The following USH2A variants were observed in gnomAD, a reference collection of about 807,000 sequenced individuals.
USH2A encodes the protein Usher syndrome 2A (autosomal recessive, mild).
USH2A carries 443 observed loss-of-function variants against 538.9 expected under a neutral mutation model. The observed-to-expected ratio is 0.82, with a 90% CI of 0.76 to 0.89. The LOEUF is 0.89. USH2A is among the 40% of genes least tolerant of loss of function. The pLI, the probability that USH2A is intolerant of heterozygous loss-of-function variation, is 0.00. For missense variants in USH2A, 6,633 were observed against 6,324.8 expected, an observed-to-expected ratio of 1.05 and a Z score of -1.65; for synonymous variants, 2,413 against 2,273.5, an observed-to-expected ratio of 1.06 and a Z score of -1.75.
At chr1:216,410,144 G>GTCAATC (rs547509982) in intron 3 of USH2A, among the ~76,000 whole-genome samples, 11,476 of 152,058 alleles carry the variant, frequency 0.075, 1,130 homozygotes, top group African/African-American at 0.23. Flanking sequence ...AAACCACAAT[G>GTCAATC]AAAGATACCA....
intron 9 of USH2A, among the ~76,000 whole-genome samples, chr1:216,315,417 A>G (rs1476139445): frequency 6.6e-6 from 1 of 152,164 alleles, no homozygotes; most frequent in Non-Finnish European, 1.5e-5. Context: ...GTATTGATAG[A>G]AATAAGATTG....
Position 216,393,375 on chromosome 1 carries a change from C to T in USH2A, c.651+25139G>A, listed in dbSNP as rs7528641. On this transcript the variant is annotated intron_variant, in intron 3 of 71. Coordinates refer to ENST00000307340, the MANE Select transcript of USH2A (RefSeq NM_206933.4). ...GGAAGTTCCTAAAGTACTAAAATTA[C>T]GTAAAGCAAACATAATTAAATAAGG... 3.3e-3 allele frequency among the ~76,000 whole-genome samples: 499 copies of T among 152,210 alleles called. 4 individuals are homozygous for T. Among genetic ancestry groups the T allele is most frequent in the African/African-American group, 0.011 (458 of 41,538 alleles).
chr1:215,650,870 GAAAGGAAAA>G, intron 64 of USH2A, 69 bp from the exon 65 acceptor site: 2 of 1,392,692 alleles, frequency 1.4e-6, no homozygotes, highest in East Asian at 4.8e-5. Flanking sequence ...AAAAAAAAAA[GAAAGGAAAA>G]AAAACGAAAT....
intron 60 of USH2A, among the ~76,000 whole-genome samples, chr1:215,740,838 G>C (rs1660279598): frequency 6.6e-6 from 1 of 152,112 alleles, no homozygotes; most frequent in Non-Finnish European, 1.5e-5. Context: ...CAGATCATCA[G>C]GCATTAGATT....
At chr1:215,692,099 T>C (rs1057079618) in intron 61 of USH2A, among the ~76,000 whole-genome samples, 2 of 152,186 alleles carry the variant, frequency 1.3e-5, no homozygotes, top group Non-Finnish European at 2.9e-5. Flanking sequence ...TGGTAAGCAG[T>C]GTCAAATGCT....
rs200443545 is a variant in USH2A at position 215,820,160 on chromosome 1, GT to G, written c.9372-2966del. Among the ~76,000 whole-genome samples the G allele has an allele frequency of 2.5e-3, 376 of 151,462 alleles. 1 individual carries two copies. Among genetic ancestry groups the G allele is most frequent in the African/African-American group, 8.6e-3 (356 of 41,412 alleles). The stretch of plus-strand genomic sequence containing the variant: ...ATTTGTTCATGAAATAACTGTTATA[GT>G]TTTTTTTAGATTTTAAAGTAATAGG... On this transcript the variant is annotated intron_variant, in intron 47 of 71. Transcript: ENST00000307340.
At chr1:215,961,642 T>G (rs1004006061) in intron 37 of USH2A, among the ~76,000 whole-genome samples, 2 of 151,772 alleles carry the variant, frequency 1.3e-5, no homozygotes, top group African/African-American at 2.4e-5. Flanking sequence ...TTCTACAGTT[T>G]TAATCATTAA....
rs1659884645 is a variant in USH2A at position 215,728,177 on chromosome 1, A to G, written c.11919T>C (p.Ala3973=). 2 of 1,614,028 alleles carry G rather than the reference A, an allele frequency of 1.2e-6. No homozygotes were observed. The highest frequency in any genetic ancestry group is 1.7e-6 in the Non-Finnish European group (2 of 1,180,032). The change falls in exon 61 of 72, where the codon GCT becomes GCC. Residue 3973 remains alanine (A), a synonymous_variant. Coordinates refer to ENST00000307340, the MANE Select transcript of USH2A (RefSeq NM_206933.4). ...GAACTGAATGAGCACTCGTGGCTTG[A>G]GCCCAAGGAGCTGGAAAATCTTGAG... ...APPQDFPAPW[A]QATSAHSVLL...
intron 61 of USH2A, among the ~76,000 whole-genome samples, chr1:215,708,587 A>G (rs1659247703): frequency 6.6e-6 from 1 of 152,216 alleles, no homozygotes; most frequent in African/African-American, 2.4e-5. Context: ...ACCTCAGATC[A>G]TCAGGTATTA....
chr1:216,106,843 C>A (rs2032747730), intron 21 of USH2A, among the ~76,000 whole-genome samples: 1 of 151,786 alleles, frequency 6.6e-6, no homozygotes, highest in South Asian at 2.1e-4. Flanking sequence ...TCATGTTATA[C>A]TTTATTTTTT....
chr1:215,871,942 T>C (rs1328234084), intron 43 of USH2A, among the ~76,000 whole-genome samples: 1 of 152,224 alleles, frequency 6.6e-6, no homozygotes, highest in Non-Finnish European at 1.5e-5. Flanking sequence ...CCAAAATTCT[T>C]CAGGGCAGCT....
At chr1:216,379,307 A>G (rs2038891008) in intron 3 of USH2A, among the ~76,000 whole-genome samples, 1 of 152,168 alleles carries the variant, frequency 6.6e-6, no homozygotes. Flanking sequence ...TCCTTTGCCA[A>G]TCTAATTTCA....
At chr1:216,261,032 T>C (rs2036359058) in intron 11 of USH2A, among the ~76,000 whole-genome samples, 1 of 152,166 alleles carries the variant, frequency 6.6e-6, no homozygotes, top group African/African-American at 2.4e-5. Flanking sequence ...TTTGGAAATG[T>C]TTTACCATTT....
intron 14 of USH2A, among the ~76,000 whole-genome samples, chr1:216,226,722 C>T (rs1470505802): frequency 3.9e-5 from 6 of 152,168 alleles, no homozygotes; most frequent in Admixed American, 3.9e-4. Flanking sequence ...TAATCTTGTC[C>T]TTTATTCTAC....
At chr1:216,299,063 C>T (rs2037162837) in intron 9 of USH2A, among the ~76,000 whole-genome samples, 1 of 152,152 alleles carries the variant, frequency 6.6e-6, no homozygotes, top group South Asian at 2.1e-4. Flanking sequence ...AGGATGGTCT[C>T]CATCTCCTGA....
intron 21 of USH2A, among the ~76,000 whole-genome samples, chr1:216,133,235 T>G (rs2033413126): frequency 6.6e-6 from 1 of 152,166 alleles, no homozygotes; most frequent in African/African-American, 2.4e-5. Context: ...TTTCTAAATA[T>G]ATTTGAACAT....
chr1:216,055,579 A>G (rs1220282320), intron 30 of USH2A, among the ~76,000 whole-genome samples: 2 of 152,218 alleles, frequency 1.3e-5, no homozygotes, highest in East Asian at 1.9e-4. Flanking sequence ...TAACACAGAC[A>G]TTTTGACACA....
At chr1:216,232,272 T>C in intron 13 of USH2A, 136 bp from the exon 14 acceptor site, 1 of 1,002,904 alleles carries the variant, frequency 1.0e-6, no homozygotes, top group Non-Finnish European at 1.4e-6. Flanking sequence ...GTTATATCTG[T>C]CCTTCAGTGT....
intron 61 of USH2A, among the ~76,000 whole-genome samples, chr1:215,724,220 AACACACACACACAC>A (rs3049512): frequency 2.0e-5 from 3 of 147,832 alleles, no homozygotes; most frequent in African/African-American, 5.0e-5. Flanking sequence ...TAGAATGTGA[AACACACACACACAC>A]ACACACACAC....
Sources: gnomAD v4.1 joint callset for allele counts (sites outside exome capture counted in the v4.1 genomes callset) on GRCh38, gnomAD v4.1.1 for gene constraint, MANE v1.5 for transcripts, NCBI Gene and HGNC (gene_info 2026-07-23, HGNC 2026-07-21) for gene names.